RNPC3: variants seen among roughly 807,000 people sequenced by gnomAD.
RNPC3 encodes RNA-binding region-containing protein 3.
RNPC3 carries 48 observed loss-of-function variants against 67.5 expected under a neutral mutation model. The ratio of observed to expected loss-of-function variants is 0.71; its 90% CI spans 0.56 to 0.90. The LOEUF is 0.90. Among genes scored for constraint, RNPC3 ranks in the 40% least tolerant of loss-of-function variants. The pLI is 0.00. For missense variants in RNPC3, 637 were observed against 626.1 expected, an observed-to-expected ratio of 1.02 and a Z score of -0.19; for synonymous variants, 239 against 210.3, an observed-to-expected ratio of 1.14 and a Z score of -1.18.
At chr1:103,536,751 A>G (rs1650996134) in intron 6 of RNPC3, among the ~76,000 whole-genome samples, 1 of 151,948 alleles carries the variant, frequency 6.6e-6, no homozygotes, top group Non-Finnish European at 1.5e-5. Context: ...TTTCTAATGT[A>G]TGTACTATTA....
chr1:103,536,328 A>T lies in RNPC3; in HGVS notation c.624+134A>T, dbSNP rs987419396. 1.0e-4 allele frequency: 62 copies of T among 619,840 alleles called. No individual in the cohort carries two copies. The African/African-American group carries it at 1.0e-3, about 10-fold the overall frequency. The allele number at this position is 619,840 out of a possible 1,614,324, so 38.4% of individuals were successfully genotyped here. ...GGAACGGGTATAAAGTAATATGATG[A>T]TAATAGTAGAACTGAGAACTGTTAA... On this transcript the variant is annotated intron_variant, in intron 6 of 14. Transcript: ENST00000423855.
At chr1:103,528,790 A>G (rs1650774527) in intron 2 of RNPC3, among the ~76,000 whole-genome samples, 1 of 152,208 alleles carries the variant, frequency 6.6e-6, no homozygotes, top group African/African-American at 2.4e-5. Flanking sequence ...AAGAATGGGA[A>G]GGAGCAGTTA....
intron 2 of RNPC3, among the ~76,000 whole-genome samples, chr1:103,533,289 C>T (rs1650905689): frequency 6.6e-6 from 1 of 151,778 alleles, no homozygotes; most frequent in African/African-American, 2.4e-5. Flanking sequence ...GCTAAGCTAA[C>T]GGAATACAAG....
chr1:103,536,183 C>T lies in RNPC3; in HGVS notation c.613C>T (p.Arg205Ter), dbSNP rs939646611. 79 of 1,535,158 alleles carry T rather than the reference C, an allele frequency of 5.1e-5. No individual in the cohort carries two copies. The highest frequency in any genetic ancestry group is 6.1e-5 in the Non-Finnish European group (70 of 1,145,242). ...CACACCTTTTGGACCAATTACTGCGCGACCTCCCATGGTAAGAAAACTCTT... is the reference window on the plus strand; with the variant it reads ...CACACCTTTTGGACCAATTACTGCGTGACCTCCCATGGTAAGAAAACTCTT... ...LPTPFGPITA[R>*]PPMYEDYMPL... Residue 205 changes from arginine (R) to a stop codon, truncating the protein, a stop_gained, in exon 6 of 15, where the codon CGA becomes TGA. Coordinates refer to ENST00000423855, the MANE Select transcript of RNPC3 (RefSeq NM_017619.4). LOFTEE classifies it high-confidence loss of function.
At chr1:103,554,465 T>A (rs1651483674) in intron 14 of RNPC3, 1 of 152,572 alleles carries the variant, frequency 6.6e-6, no homozygotes, top group Middle Eastern at 3.2e-3. Context: ...TCAAACTGAT[T>A]TTAATATACA....
chr1:103,539,836 C>T (rs565417607), intron 7 of RNPC3, among the ~76,000 whole-genome samples: 17 of 152,198 alleles, frequency 1.1e-4, no homozygotes, highest in East Asian at 1.9e-4. Context: ...ATATGGCTGG[C>T]TTAGTGACAC....
At chr1:103,546,644 A>G in intron 11 of RNPC3, 1 of 317,952 alleles carries the variant, frequency 3.1e-6, no homozygotes, top group Non-Finnish European at 5.7e-6. Context: ...AACTGAAGTC[A>G]AAAGTGTGGC....
intron 14 of RNPC3, chr1:103,553,881 CAA>C (rs1387838308): frequency 7.2e-5 from 11 of 152,088 alleles, no homozygotes; most frequent in Middle Eastern, 3.4e-3. Flanking sequence ...TTTTTCTAAA[CAA>C]GAGAAGAAAA....
chr1:103,551,434 A>G (rs1651384341), intron 13 of RNPC3, among the ~76,000 whole-genome samples: 1 of 152,240 alleles, frequency 6.6e-6, no homozygotes, highest in African/African-American at 2.4e-5. Context: ...GAGAATTTTA[A>G]TAACTAGAGT....
At chr1:103,537,612 C>A in intron 7 of RNPC3, 128 bp downstream of exon 7, 1 of 670,322 alleles carries the variant, frequency 1.5e-6, no homozygotes, top group South Asian at 2.4e-5. Context: ...GTCCTCAGCC[C>A]CCCAGCACCT....
At chr1:103,548,919 A>G (rs1426065141) in intron 12 of RNPC3, among the ~76,000 whole-genome samples, 2 of 152,170 alleles carry the variant, frequency 1.3e-5, no homozygotes, top group East Asian at 1.9e-4. Flanking sequence ...CACATTTTAT[A>G]TGGCTGGCAG....
intron 7 of RNPC3, among the ~76,000 whole-genome samples, chr1:103,538,440 GA>G (rs1408551087): frequency 6.6e-6 from 1 of 152,164 alleles, no homozygotes; most frequent in Non-Finnish European, 1.5e-5. Flanking sequence ...GCCTGATGGA[GA>G]AAATACATGG....
chr1:103,549,940 G>GA (rs1651344908), intron 12 of RNPC3, among the ~76,000 whole-genome samples: 1 of 151,010 alleles, frequency 6.6e-6, no homozygotes, highest in Admixed American at 6.6e-5. Flanking sequence ...AAGCGGGGGG[G>GA]ATCACTTGAG....
At chr1:103,541,107 G>A (rs1054321350) in intron 7 of RNPC3, among the ~76,000 whole-genome samples, 12 of 152,200 alleles carry the variant, frequency 7.9e-5, no homozygotes, top group African/African-American at 1.9e-4. Context: ...TTGATAATAT[G>A]TAATTAAGTC....
At chr1:103,554,070 T>C (rs11184430) in intron 14 of RNPC3, 97,049 of 152,016 alleles carry the variant, frequency 0.64, 31,406 homozygotes, top group Middle Eastern at 0.73. Flanking sequence ...AATACTAATT[T>C]TAAAAGGGTG....
At chr1:103,545,128 C>T (rs765430877) in intron 10 of RNPC3, 26 bp downstream of exon 10, 11 of 1,507,210 alleles carry the variant, frequency 7.3e-6, no homozygotes, top group South Asian at 1.3e-5. Flanking sequence ...AAACTAAGCA[C>T]ATATTCCATT....
At chr1:103,527,229 A>G (rs1046547141) in intron 1 of RNPC3, among the ~76,000 whole-genome samples, 13 of 152,216 alleles carry the variant, frequency 8.5e-5, no homozygotes, top group Non-Finnish European at 1.9e-4. Flanking sequence ...GTTTAAAAAT[A>G]GACTTCTCCC....
At chr1:103,532,110 G>T (rs377709136) in intron 2 of RNPC3, among the ~76,000 whole-genome samples, 1 of 152,036 alleles carries the variant, frequency 6.6e-6, no homozygotes, top group Admixed American at 6.6e-5. Context: ...TTATGTTTTT[G>T]TTTGCTTTCT....
At chr1:103,527,865 C>T (rs1204229255) in intron 2 of RNPC3, 123 bp downstream of exon 2, 2 of 662,848 alleles carry the variant, frequency 3.0e-6, no homozygotes, top group Non-Finnish European at 5.1e-6. Flanking sequence ...GTTTCCCCAA[C>T]AGACTACATT....
Sources: gnomAD v4.1 joint callset for allele counts (sites outside exome capture counted in the v4.1 genomes callset) on GRCh38, gnomAD v4.1.1 for gene constraint, MANE v1.5 for transcripts, NCBI Gene and HGNC (gene_info 2026-07-23, HGNC 2026-07-21) for gene names.